PLCB1: variants seen among roughly 807,000 people sequenced by gnomAD.
PLCB1 encodes 1-phosphatidylinositol 4,5-bisphosphate phosphodiesterase beta-1.
PLCB1 carries 46 observed loss-of-function variants against 161.8 expected under a neutral mutation model. The observed-to-expected ratio is 0.28, with a 90% confidence interval of 0.22 to 0.36. PLCB1 has a LOEUF of 0.36. PLCB1 is among the 10% of genes least tolerant of loss of function. PLCB1 has a pLI of 1.00. For missense variants in PLCB1, 1,016 were observed against 1,472.5 expected (o/e 0.69, Z 5.07); for synonymous variants, 517 against 503.7 (o/e 1.03, Z -0.35).
intron 3 of PLCB1, among the ~76,000 whole-genome samples, chr20:8,420,249 C>T (rs1301394845): frequency 6.6e-6 from 1 of 152,146 alleles, no homozygotes; most frequent in Admixed American, 6.6e-5. Context: ...AGGAAGTCAG[C>T]TAGCCACTTT....
At chr20:8,711,841 T>C (rs1979034626) in intron 12 of PLCB1, among the ~76,000 whole-genome samples, 1 of 152,146 alleles carries the variant, frequency 6.6e-6, no homozygotes, top group Admixed American at 6.6e-5. Context: ...CTCAGAATCC[T>C]TCTCAACACA....
At chr20:8,258,658 T>A (rs1403892474) in intron 2 of PLCB1, among the ~76,000 whole-genome samples, 3 of 152,192 alleles carry the variant, frequency 2.0e-5, no homozygotes, top group African/African-American at 4.8e-5. Flanking sequence ...ATACTTTGAA[T>A]TTGGGATTCT....
At chr20:8,339,880 G>A (rs574453915) in intron 2 of PLCB1, among the ~76,000 whole-genome samples, 3 of 152,268 alleles carry the variant, frequency 2.0e-5, no homozygotes, top group Non-Finnish European at 4.4e-5. Flanking sequence ...AAGATGGGAG[G>A]ATCGCTTGAG....
chr20:8,331,441 C>G (rs779550217), intron 2 of PLCB1, among the ~76,000 whole-genome samples: 1 of 151,606 alleles, frequency 6.6e-6, no homozygotes, highest in Non-Finnish European at 1.5e-5. Context: ...TTATGCCAGT[C>G]TGCTGAAGGC....
Position 8,277,699 on chromosome 20 carries a change from G to T in PLCB1, c.178-93683G>T, listed in dbSNP as rs541850444. On this transcript the variant is annotated intron_variant, in intron 2 of 31. Coordinates refer to ENST00000338037, the MANE Select transcript of PLCB1 (RefSeq NM_015192.4). ...ACTAATATAGTTGATACTGTTAATA[G>T]GGAAAGCCATAACACTCAAGAGAAA... Among the ~76,000 whole-genome samples the T allele has an allele frequency of 1.4e-4, 21 of 152,194 alleles. No homozygotes were observed. In the South Asian group the frequency reaches 4.2e-3, roughly 30 times the overall value.
At chr20:8,469,657 T>C (rs1439770330) in intron 3 of PLCB1, among the ~76,000 whole-genome samples, 2 of 152,148 alleles carry the variant, frequency 1.3e-5, no homozygotes, top group African/African-American at 2.4e-5. Context: ...AAAATTCTTA[T>C]AAAAATCAAA....
intron 23 of PLCB1, 102 bp from the exon 24 acceptor site, chr20:8,756,944 A>G (rs1354831494): frequency 1.3e-5 from 15 of 1,128,772 alleles, no homozygotes; most frequent in African/African-American, 1.6e-5. Context: ...TCCAACTCCA[A>G]AAGAATTGTG....
At chr20:8,199,478 C>A (rs1206465334) in intron 2 of PLCB1, among the ~76,000 whole-genome samples, 1 of 152,132 alleles carries the variant, frequency 6.6e-6, no homozygotes, top group Non-Finnish European at 1.5e-5. Flanking sequence ...CGAAATAAAT[C>A]TTTGGCAATA....
chr20:8,765,410 C>T (rs1982268242), intron 26 of PLCB1, 52 bp downstream of exon 26: 5 of 1,331,484 alleles, frequency 3.8e-6, no homozygotes, highest in Non-Finnish European at 5.3e-6. Context: ...GAGTTGTTAA[C>T]ATGGATTTTT....
At chr20:8,215,868 A>G (rs1188059671) in intron 2 of PLCB1, among the ~76,000 whole-genome samples, 5 of 151,890 alleles carry the variant, frequency 3.3e-5, no homozygotes, top group Non-Finnish European at 7.4e-5. Context: ...ATTTATATAT[A>G]TATTTAATTC....
intron 3 of PLCB1, among the ~76,000 whole-genome samples, chr20:8,458,140 T>G (rs1044683546): frequency 3.6e-4 from 55 of 152,260 alleles, no homozygotes; most frequent in African/African-American, 1.3e-3. Context: ...TCTTGCTTCC[T>G]CCGGTTGATT....
At chr20:8,188,018 G>A (rs1302373837) in intron 2 of PLCB1, among the ~76,000 whole-genome samples, 5 of 151,936 alleles carry the variant, frequency 3.3e-5, no homozygotes, top group Admixed American at 1.3e-4. Flanking sequence ...TCTCTCATGC[G>A]TGGCTTGGCT....
Position 8,569,146 on chromosome 20 carries a change from A to G in PLCB1, c.247-59148A>G, listed in dbSNP as rs1459409442. Among the ~76,000 whole-genome samples, 5 of 152,244 alleles carry G rather than the reference A, an allele frequency of 3.3e-5. No homozygotes were observed. In the South Asian group the frequency reaches 8.3e-4, roughly 25 times the overall value. ...CCCATACTTGGGCCTACTGGACACCAGCAAGAGTGCCTTTAGGCAGAAAGC... is the reference window on the plus strand; with the variant it reads ...CCCATACTTGGGCCTACTGGACACCGGCAAGAGTGCCTTTAGGCAGAAAGC... On this transcript the variant is annotated intron_variant, in intron 3 of 31. Transcript: ENST00000338037.
intron 3 of PLCB1, among the ~76,000 whole-genome samples, chr20:8,434,062 C>G (rs1000887389): frequency 5.6e-4 from 85 of 152,104 alleles, no homozygotes; most frequent in African/African-American, 1.9e-3. Context: ...CTTTCTCATT[C>G]TTATGAGTTT....
At chr20:8,469,410 T>C (rs1170008786) in intron 3 of PLCB1, among the ~76,000 whole-genome samples, 2 of 152,192 alleles carry the variant, frequency 1.3e-5, no homozygotes, top group East Asian at 3.9e-4. Flanking sequence ...AGTATCCTAG[T>C]CGTGTTATTC....
At chr20:8,561,819 A>G (rs111500345) in intron 3 of PLCB1, among the ~76,000 whole-genome samples, 1,867 of 152,174 alleles carry the variant, frequency 0.012, 44 homozygotes, top group African/African-American at 0.042. Context: ...AAGATAGTCA[A>G]GCTGACATTT....
intron 3 of PLCB1, among the ~76,000 whole-genome samples, chr20:8,438,698 A>G (rs1023143975): frequency 1.3e-5 from 2 of 152,174 alleles, no homozygotes; most frequent in Non-Finnish European, 2.9e-5. Flanking sequence ...AGCTTTGCTG[A>G]ATGACATGCC....
intron 2 of PLCB1, among the ~76,000 whole-genome samples, chr20:8,152,294 G>GA (rs147347258): frequency 0.23 from 34,327 of 151,262 alleles, 3,992 homozygotes; most frequent in African/African-American, 0.28. Context: ...GAGGATTTAA[G>GA]AAAAAAAAAT....
chr20:8,497,060 A>G (rs1600107921), intron 3 of PLCB1, among the ~76,000 whole-genome samples: 2 of 152,344 alleles, frequency 1.3e-5, no homozygotes, highest in African/African-American at 2.4e-5. Flanking sequence ...TGTTACGATT[A>G]GAGTGAATGT....
Sources: allele counts gnomAD v4.1 joint callset (sites outside exome capture counted in the v4.1 genomes callset), GRCh38; gene constraint gnomAD v4.1.1; transcripts MANE v1.5; gene names NCBI Gene and HGNC (gene_info 2026-07-23, HGNC 2026-07-21).